Variants in STX17 observed in about 807,000 individuals in gnomAD.
STX17 encodes the protein syntaxin 17, also known as syntaxin-17.
Under a neutral mutation model 35.9 loss-of-function variants are expected in STX17, and 29 were observed. The observed-to-expected ratio is 0.81, with a 90% CI of 0.60 to 1.10. STX17 has a LOEUF of 1.10. Ranked by LOEUF, STX17 falls within the 50% of genes least tolerant of loss-of-function variation. The pLI, the probability that STX17 is intolerant of heterozygous loss-of-function variation, is 0.00. For synonymous variants in STX17, 92 were observed against 118.3 expected (o/e 0.78, Z 1.44); for missense variants, 312 against 352.3 (o/e 0.89, Z 0.92).
chr9:99,965,977 G>A (rs192574896), intron 6 of STX17, among the ~76,000 whole-genome samples: 68 of 152,322 alleles, frequency 4.5e-4, no homozygotes, highest in African/African-American at 1.6e-3. Context: ...AGAGCACATA[G>A]TGGCGTTTGC....
At chr9:99,928,878 T>A in intron 3 of STX17, 35 bp downstream of exon 3, 1 of 1,592,872 alleles carries the variant, frequency 6.3e-7, no homozygotes, top group East Asian at 2.2e-5. Context: ...TAAATCAGTA[T>A]GAAAAAGACA....
In STX17 at chr9:99,952,701, T is replaced by TA. The variant is rs1222031634; in HGVS notation, c.415+1422dup. ...TACACCATGGAATACTATGCAGCCA[T>TA]AAAAAATGATGAGTTCATGTCCTTT... On this transcript the variant is annotated intron_variant, in intron 4 of 7. Transcript: ENST00000259400. Among the ~76,000 whole-genome samples, 6 of 152,178 alleles carry TA rather than the reference T, an allele frequency of 3.9e-5. No homozygotes were observed. In the East Asian group the frequency reaches 7.7e-4, roughly 20 times the overall value.
At chr9:99,946,978 T>G (rs543818014) in intron 3 of STX17, among the ~76,000 whole-genome samples, 3 of 152,236 alleles carry the variant, frequency 2.0e-5, no homozygotes, top group Admixed American at 1.3e-4. Context: ...TTGTTGACCT[T>G]GAATTGTGGA....
At chr9:99,961,719 C>A (rs546274163) in intron 6 of STX17, among the ~76,000 whole-genome samples, 4 of 151,932 alleles carry the variant, frequency 2.6e-5, no homozygotes, top group Non-Finnish European at 5.9e-5. Flanking sequence ...TCCCTGAGAT[C>A]TAATTTTAAA....
chr9:99,919,913 T>A (rs564202314), intron 2 of STX17, among the ~76,000 whole-genome samples: 1 of 152,312 alleles, frequency 6.6e-6, no homozygotes, highest in African/African-American at 2.4e-5. Flanking sequence ...CAACATGAAA[T>A]CTGAACTATA....
rs1270650189 is a variant in STX17 at position 99,951,135 on chromosome 9, A to G, written c.265A>G (p.Arg89Gly). The G allele has an allele frequency of 6.2e-7, 1 of 1,613,100 alleles. No individual in the cohort carries two copies. The change falls in exon 4 of 8, where the codon AGA (arginine) becomes GGA (glycine). Residue 89 changes from arginine to glycine, a missense_variant. Transcript: ENST00000259400. ...VRKDDLVLLK[R>G]MIDPVKEEAS... ...AAAGGATGACCTAGTACTTCTGAAGAGAATGATAGATCCTGTTAAAGAAGA... is the reference window on the plus strand; with the variant it reads ...AAAGGATGACCTAGTACTTCTGAAGGGAATGATAGATCCTGTTAAAGAAGA...
chr9:99,964,654 G>A (rs994887460), intron 6 of STX17, among the ~76,000 whole-genome samples: 7 of 152,108 alleles, frequency 4.6e-5, no homozygotes, highest in African/African-American at 1.7e-4. Flanking sequence ...GATAGATAGA[G>A]GTTAGGAGGC....
chr9:99,955,675 C>T (rs1346154020), intron 4 of STX17, among the ~76,000 whole-genome samples: 1 of 151,926 alleles, frequency 6.6e-6, no homozygotes, highest in Non-Finnish European at 1.5e-5. Context: ...AGGGAAAAGT[C>T]TTAGGTTATT....
intron 3 of STX17, among the ~76,000 whole-genome samples, chr9:99,932,095 A>G (rs896795795): frequency 1.3e-5 from 2 of 152,174 alleles, no homozygotes; most frequent in Non-Finnish European, 2.9e-5. Context: ...ACAAAGTTAT[A>G]GAGGCAGATT....
chr9:99,965,980 G>C (rs951906788), intron 6 of STX17, among the ~76,000 whole-genome samples: 6 of 152,158 alleles, frequency 3.9e-5, no homozygotes, highest in Non-Finnish European at 7.4e-5. Context: ...GCACATAGTG[G>C]CGTTTGCTGA....
At chr9:99,939,684 A>G (rs894958396) in intron 3 of STX17, among the ~76,000 whole-genome samples, 1 of 152,082 alleles carries the variant, frequency 6.6e-6, no homozygotes, top group African/African-American at 2.4e-5. Flanking sequence ...CTATTTTCCC[A>G]TTATTATTTT....
At chr9:99,939,578 A>G (rs1376020355) in intron 3 of STX17, among the ~76,000 whole-genome samples, 1 of 152,234 alleles carries the variant, frequency 6.6e-6, no homozygotes, top group African/African-American at 2.4e-5. Context: ...AAATGTGGAC[A>G]AGATACTGTG....
intron 3 of STX17, among the ~76,000 whole-genome samples, chr9:99,946,174 A>G (rs1432522492): frequency 1.3e-5 from 2 of 152,204 alleles, no homozygotes; most frequent in Non-Finnish European, 1.5e-5. Flanking sequence ...AAAGTACAGT[A>G]TAACAATTTA....
chr9:99,955,710 A>T (rs1293460523), intron 4 of STX17, among the ~76,000 whole-genome samples: 3 of 152,070 alleles, frequency 2.0e-5, no homozygotes, highest in Non-Finnish European at 4.4e-5. Context: ...CTTCAACTAA[A>T]CCAACAATAA....
At chr9:99,951,028 A>G (rs1829580639) in intron 3 of STX17, 32 bp from the exon 4 acceptor site, 2 of 1,550,038 alleles carry the variant, frequency 1.3e-6, no homozygotes, top group African/African-American at 2.8e-5. Context: ...ATACTAAGAA[A>G]TGGTGGCATT....
intron 4 of STX17, among the ~76,000 whole-genome samples, chr9:99,958,710 A>T (rs911438114): frequency 1.3e-5 from 2 of 152,232 alleles, no homozygotes; most frequent in African/African-American, 4.8e-5. Context: ...GCACCTCAGC[A>T]CACTGATCAG....
chr9:99,954,305 CTGCT>C (rs1200558102), intron 4 of STX17, among the ~76,000 whole-genome samples: 2 of 151,976 alleles, frequency 1.3e-5, no homozygotes, highest in African/African-American at 4.8e-5. Flanking sequence ...ATTCAATAGT[CTGCT>C]TGTCATAGTG....
intron 2 of STX17, among the ~76,000 whole-genome samples, chr9:99,923,564 C>A (rs990380808): frequency 2.0e-5 from 3 of 152,178 alleles, no homozygotes; most frequent in African/African-American, 4.8e-5. Context: ...CCCCATATTT[C>A]AAGCAAGCAA....
intron 4 of STX17, among the ~76,000 whole-genome samples, chr9:99,956,184 T>C (rs960765594): frequency 1.3e-5 from 2 of 152,150 alleles, no homozygotes; most frequent in African/African-American, 4.8e-5. Context: ...TGGTTTCAAG[T>C]GAGACGTAAA....
Sources: gnomAD v4.1 joint callset for allele counts (sites outside exome capture counted in the v4.1 genomes callset) on GRCh38, gnomAD v4.1.1 for gene constraint, MANE v1.5 for transcripts, NCBI Gene and HGNC (gene_info 2026-07-23, HGNC 2026-07-21) for gene names.